RBFOX1: variants seen among roughly 807,000 people sequenced by gnomAD.
RBFOX1 encodes the protein RNA binding protein fox-1 homolog 1.
RBFOX1 carries 8 observed loss-of-function variants against 57.7 expected under a neutral mutation model. That is an observed-to-expected ratio of 0.14 (90% CI 0.08 to 0.25). The LOEUF (loss-of-function observed/expected upper bound fraction) is 0.25, where lower values mean the gene tolerates loss of function less well. Ranked by LOEUF, RBFOX1 falls within the 10% of genes least tolerant of loss-of-function variation. The probability of loss-of-function intolerance (pLI) is 1.00; values close to 1 mark genes in which losing one functional copy is unlikely to be tolerated. For synonymous variants in RBFOX1, 326 were observed against 222.4 expected (o/e 1.47, Z -4.15); for missense variants, 611 against 548.5 (o/e 1.11, Z -1.14).
chr16:6,725,777 C>T (rs1450237060), intron 3 of RBFOX1, among the ~76,000 whole-genome samples: 1 of 152,094 alleles, frequency 6.6e-6, no homozygotes, highest in Admixed American at 6.6e-5. Flanking sequence ...GTTGAAAATT[C>T]TATCATTTTA....
chr16:7,707,656 T>G (rs2082915394), intron 14 of RBFOX1, among the ~76,000 whole-genome samples: 1 of 152,162 alleles, frequency 6.6e-6, no homozygotes, highest in Non-Finnish European at 1.5e-5. Flanking sequence ...AGGAAGCCAC[T>G]TTAACTCAAT....
chr16:6,215,717 T>C (rs1053562206), intron 1 of RBFOX1, among the ~76,000 whole-genome samples: 4 of 152,154 alleles, frequency 2.6e-5, no homozygotes, highest in African/African-American at 9.7e-5. Flanking sequence ...TGATGATCTG[T>C]GGGCACATCT....
chr16:6,899,023 G>C (rs201395900), intron 3 of RBFOX1, among the ~76,000 whole-genome samples: 2 of 112,892 alleles, frequency 1.8e-5, no homozygotes, highest in African/African-American at 3.9e-5. Flanking sequence ...GCGTCTCTGT[G>C]TGTGTGTATA....
chr16:5,758,693 G>GT (rs1237611169), intron 3 of RBFOX1, among the ~76,000 whole-genome samples: 2 of 152,190 alleles, frequency 1.3e-5, no homozygotes, highest in Admixed American at 6.5e-5. Context: ...ATGATGTGTT[G>GT]TAAGTACAAG....
At chr16:7,406,132 AAC>A (rs986208790) in intron 4 of RBFOX1, among the ~76,000 whole-genome samples, 6 of 152,212 alleles carry the variant, frequency 3.9e-5, no homozygotes, top group African/African-American at 1.4e-4. Context: ...CATTGCCCAA[AAC>A]ACAGAGTACA....
intron 4 of RBFOX1, among the ~76,000 whole-genome samples, chr16:7,137,192 G>T (rs1367491159): frequency 2.0e-5 from 3 of 152,188 alleles, no homozygotes; most frequent in Admixed American, 6.5e-5. Flanking sequence ...TCTTTACTGA[G>T]CTAGCTGGAC....
intron 3 of RBFOX1, among the ~76,000 whole-genome samples, chr16:6,931,024 A>T (rs1161769859): frequency 2.0e-5 from 3 of 151,738 alleles, no homozygotes; most frequent in African/African-American, 7.3e-5. Flanking sequence ...AATTTTTTGG[A>T]TGTAGAAATC....
At chr16:7,423,080 A>C (rs2149400341) in intron 4 of RBFOX1, 1 of 122,320 alleles carries the variant, frequency 8.2e-6, no homozygotes, top group South Asian at 3.1e-4. Flanking sequence ...TAGGAGAGAG[A>C]GAATGAGGGA....
chr16:6,319,760 C>T (rs773393448), intron 2 of RBFOX1, among the ~76,000 whole-genome samples: 1 of 152,134 alleles, frequency 6.6e-6, no homozygotes, highest in African/African-American at 2.4e-5. Context: ...ACAGAAAGCT[C>T]ACAGTAGCAG....
At chr16:5,533,005 A>G (rs982710358) in intron 2 of RBFOX1, among the ~76,000 whole-genome samples, 3 of 152,038 alleles carry the variant, frequency 2.0e-5, no homozygotes, top group Non-Finnish European at 4.4e-5. Flanking sequence ...ATACCCTCCT[A>G]ATTTTTAAAA....
intron 2 of RBFOX1, among the ~76,000 whole-genome samples, chr16:6,456,302 A>T (rs1353770223): frequency 1.3e-5 from 2 of 152,116 alleles, no homozygotes; most frequent in African/African-American, 4.8e-5. Context: ...GTGTGCATCT[A>T]TTCAAGCTTT....
chr16:5,410,329 G>A (rs2052004), intron 1 of RBFOX1, among the ~76,000 whole-genome samples: 35,526 of 151,442 alleles, frequency 0.23, 4,388 homozygotes, highest in African/African-American at 0.29. Context: ...CTGTGATTGG[G>A]CCACTGCACT....
chr16:6,966,034 TTCTTA>T (rs761575348), intron 3 of RBFOX1, among the ~76,000 whole-genome samples: 5 of 152,200 alleles, frequency 3.3e-5, no homozygotes, highest in Non-Finnish European at 7.3e-5. Context: ...GAGATACGTT[TTCTTA>T]TCTTAGAAAT....
intron 2 of RBFOX1, among the ~76,000 whole-genome samples, chr16:6,630,245 CCTT>C (rs1431384134): frequency 2.6e-5 from 4 of 152,108 alleles, no homozygotes; most frequent in African/African-American, 4.8e-5. Flanking sequence ...GCTTCTTCAT[CCTT>C]CTTCTCCTGC....
At chr16:6,613,975 C>T (rs766205136) in intron 2 of RBFOX1, among the ~76,000 whole-genome samples, 3 of 152,118 alleles carry the variant, frequency 2.0e-5, no homozygotes, top group Non-Finnish European at 2.9e-5. Context: ...GATTCAGATA[C>T]TGCAATAATT....
chr16:6,994,857 T>C (rs1392849301), intron 3 of RBFOX1, among the ~76,000 whole-genome samples: 1 of 152,100 alleles, frequency 6.6e-6, no homozygotes, highest in Non-Finnish European at 1.5e-5. Flanking sequence ...AGACACAAGG[T>C]GAGATGTTAT....
intron 4 of RBFOX1, among the ~76,000 whole-genome samples, chr16:7,292,309 G>A (rs9934079): frequency 0.23 from 25,632 of 111,956 alleles, 3,688 homozygotes; most frequent in South Asian, 0.31. Context: ...TATGATATAT[G>A]ACGTATTATA....
chr16:7,177,898 G>A (rs1337330643), intron 4 of RBFOX1, among the ~76,000 whole-genome samples: 3 of 152,186 alleles, frequency 2.0e-5, no homozygotes, highest in Non-Finnish European at 4.4e-5. Context: ...TGGTTTACCA[G>A]CTTCTGTTCT....
chr16:6,640,738 A>G (rs567188342), intron 2 of RBFOX1, among the ~76,000 whole-genome samples: 11 of 152,096 alleles, frequency 7.2e-5, no homozygotes, highest in Non-Finnish European at 1.5e-4. Context: ...GAATAAAAAA[A>G]CTCCTTCTGA....
Sources: gnomAD v4.1 joint callset for allele counts (sites outside exome capture counted in the v4.1 genomes callset) on GRCh38, gnomAD v4.1.1 for gene constraint, MANE v1.5 for transcripts, NCBI Gene and HGNC (gene_info 2026-07-23, HGNC 2026-07-21) for gene names.